The following CNBD1 variants were observed in gnomAD, a reference collection of about 807,000 sequenced individuals.
CNBD1 encodes the protein cyclic nucleotide binding domain containing 1.
In CNBD1, 71 loss-of-function variants were observed where a neutral mutation model predicts 54.4. That is an observed-to-expected ratio of 1.30 (90% CI 1.08 to 1.59). The LOEUF is 1.59. Ranked by LOEUF, CNBD1 falls within the 40% of genes most tolerant of loss-of-function variation. The pLI is 0.00. For missense variants in CNBD1, 659 were observed against 518.0 expected, an observed-to-expected ratio of 1.27 and a Z score of -2.64; for synonymous variants, 182 against 170.7, an observed-to-expected ratio of 1.07 and a Z score of -0.51.
intron 4 of CNBD1, among the ~76,000 whole-genome samples, chr8:87,032,909 T>G (rs1236460699): frequency 6.6e-6 from 1 of 152,200 alleles, no homozygotes; most frequent in Non-Finnish European, 1.5e-5. Context: ...TTAATTCTTC[T>G]GGTGTGGTGT....
intron 4 of CNBD1, among the ~76,000 whole-genome samples, chr8:87,082,604 A>T (rs541598898): frequency 6.6e-6 from 1 of 152,024 alleles, no homozygotes; most frequent in South Asian, 2.1e-4. Context: ...TAAACTATTT[A>T]TGTCTTTATA....
chr8:87,296,094 G>A (rs1008523270), intron 8 of CNBD1, among the ~76,000 whole-genome samples: 5 of 151,892 alleles, frequency 3.3e-5, no homozygotes, highest in Non-Finnish European at 7.4e-5. Context: ...AAGTACATAT[G>A]TTTATAGCAA....
intron 4 of CNBD1, among the ~76,000 whole-genome samples, chr8:87,197,738 C>A (rs996689129): frequency 6.6e-6 from 1 of 152,158 alleles, no homozygotes; most frequent in African/African-American, 2.4e-5. Context: ...ATGTAAATTA[C>A]AAGCCCATTC....
At chr8:87,297,103 G>A (rs1808891262) in intron 8 of CNBD1, among the ~76,000 whole-genome samples, 1 of 143,168 alleles carries the variant, frequency 7.0e-6, no homozygotes, top group African/African-American at 2.6e-5. Flanking sequence ...GCGTGAACCA[G>A]AGAGGTGGAG....
chr8:87,060,563 A>T (rs1258498494), intron 4 of CNBD1, among the ~76,000 whole-genome samples: 3 of 152,206 alleles, frequency 2.0e-5, no homozygotes, highest in African/African-American at 7.2e-5. Flanking sequence ...TCACTGAAAT[A>T]AATAACAGGC....
intron 4 of CNBD1, among the ~76,000 whole-genome samples, chr8:87,102,109 G>A (rs1007705438): frequency 2.0e-5 from 3 of 151,834 alleles, no homozygotes; most frequent in East Asian, 1.9e-4. Context: ...GGATGGTCTC[G>A]ATCTCCTGAC....
chr8:87,358,277 A>C (rs200159246), intron 10 of CNBD1, among the ~76,000 whole-genome samples: 1 of 152,216 alleles, frequency 6.6e-6, no homozygotes, highest in Non-Finnish European at 1.5e-5. Flanking sequence ...AAATTAATTC[A>C]AATTCATATG....
intron 8 of CNBD1, among the ~76,000 whole-genome samples, chr8:87,320,397 T>C (rs571087752): frequency 1.3e-5 from 2 of 152,130 alleles, no homozygotes; most frequent in African/African-American, 4.8e-5. Context: ...TCAATACCTT[T>C]ATAAAAATTG....
At chr8:87,046,602 G>T (rs1810195895) in intron 4 of CNBD1, among the ~76,000 whole-genome samples, 1 of 152,064 alleles carries the variant, frequency 6.6e-6, no homozygotes, top group Non-Finnish European at 1.5e-5. Flanking sequence ...AGGATTCTAG[G>T]TTGTGATGTG....
chr8:87,302,285 C>G (rs891404697), intron 8 of CNBD1, among the ~76,000 whole-genome samples: 9 of 152,148 alleles, frequency 5.9e-5, no homozygotes, highest in Non-Finnish European at 8.8e-5. Flanking sequence ...AAAAGCTTAT[C>G]CAACATGATC....
intron 4 of CNBD1, among the ~76,000 whole-genome samples, chr8:87,063,932 A>AT (rs1372927768): frequency 6.6e-6 from 1 of 152,000 alleles, no homozygotes; most frequent in Non-Finnish European, 1.5e-5. Flanking sequence ...AATGCAATTG[A>AT]TTTTTGTATA....
At chr8:87,062,554 A>G (rs981769200) in intron 4 of CNBD1, among the ~76,000 whole-genome samples, 5 of 152,148 alleles carry the variant, frequency 3.3e-5, no homozygotes, top group Non-Finnish European at 7.3e-5. Context: ...CCTGACCAAC[A>G]TGGAGAAACC....
At chr8:87,335,143 G>T (rs1809918545) in intron 8 of CNBD1, among the ~76,000 whole-genome samples, 1 of 152,148 alleles carries the variant, frequency 6.6e-6, no homozygotes, top group South Asian at 2.1e-4. Context: ...CGATTTTAGA[G>T]TAAGTGTCAT....
At chr8:87,149,700 G>A (rs1294813238) in intron 4 of CNBD1, among the ~76,000 whole-genome samples, 3 of 152,064 alleles carry the variant, frequency 2.0e-5, no homozygotes, top group African/African-American at 7.2e-5. Context: ...GCATGACGTG[G>A]ACTCTTGTAA....
At chr8:87,296,125 A>G (rs1808871383) in intron 8 of CNBD1, among the ~76,000 whole-genome samples, 1 of 152,186 alleles carries the variant, frequency 6.6e-6, no homozygotes, top group Non-Finnish European at 1.5e-5. Context: ...TACAATTATA[A>G]TACAATTTGA....
chr8:87,351,701 A>C lies in CNBD1; in HGVS notation c.1059A>C (p.Gly353=). The change falls in exon 9 of 11, where the codon GGA becomes GGC. Residue 353 remains glycine, a synonymous_variant. Transcript: ENST00000518476. ...TCTTTTCAGTGATAGTGGAAAGTGG[A>C]AATATAATTTCTTTTGTGGGTTATA... The part of the protein sequence containing the change: ...FPPGHVIVES[G]NIISFVGYIN... The C allele has an allele frequency of 6.6e-7, 1 of 1,520,974 alleles. No individual in the cohort carries two copies. Among genetic ancestry groups the C allele is most frequent in the Non-Finnish European group, 8.8e-7 (1 of 1,138,962 alleles). 94.2% of individuals were successfully genotyped at this position (1,520,974 alleles called of 1,614,324 possible).
At chr8:87,028,159 C>T (rs1403217663) in intron 4 of CNBD1, among the ~76,000 whole-genome samples, 1 of 152,126 alleles carries the variant, frequency 6.6e-6, no homozygotes, top group South Asian at 2.1e-4. Context: ...AATGGAAATT[C>T]CTTTAAAAAT....
At chr8:87,310,959 G>A (rs1222943123) in intron 8 of CNBD1, among the ~76,000 whole-genome samples, 2 of 152,202 alleles carry the variant, frequency 1.3e-5, no homozygotes, top group South Asian at 2.1e-4. Flanking sequence ...TCGAGATGGA[G>A]AGAAGACTGA....
chr8:86,994,649 G>T (rs1216212868), intron 4 of CNBD1, among the ~76,000 whole-genome samples: 2 of 152,092 alleles, frequency 1.3e-5, no homozygotes, highest in African/African-American at 4.8e-5. Context: ...TCTTTTCCCA[G>T]AATCCATTCA....
Sources: allele counts gnomAD v4.1 joint callset (sites outside exome capture counted in the v4.1 genomes callset), GRCh38; gene constraint gnomAD v4.1.1; transcripts MANE v1.5; gene names NCBI Gene and HGNC (gene_info 2026-07-23, HGNC 2026-07-21).